The following SORCS1 variants were observed in gnomAD, a reference collection of about 807,000 sequenced individuals.
The protein encoded by SORCS1 is sortilin related VPS10 domain containing receptor 1.
Under a neutral mutation model 146.1 loss-of-function variants are expected in SORCS1, and 60 were observed. The observed-to-expected ratio is 0.41, with a 90% CI of 0.33 to 0.51. The LOEUF (loss-of-function observed/expected upper bound fraction) is 0.51. Ranked by LOEUF, SORCS1 falls within the 20% of genes least tolerant of loss-of-function variation. The pLI is 0.21. For synonymous variants in SORCS1, 637 were observed against 584.0 expected (o/e 1.09, Z -1.31); for missense variants, 1,352 against 1,487.6 (o/e 0.91, Z 1.50).
intron 1 of SORCS1, among the ~76,000 whole-genome samples, chr10:107,097,638 C>G (rs1350588112): frequency 6.6e-6 from 1 of 152,170 alleles, no homozygotes. Context: ...ATTCTTCTTA[C>G]CTGTGCCTGC....
chr10:106,823,326 T>C (rs1948148341), intron 3 of SORCS1, among the ~76,000 whole-genome samples: 1 of 152,202 alleles, frequency 6.6e-6, no homozygotes, highest in South Asian at 2.1e-4. Context: ...ATCATGTTCT[T>C]CTTGGTTAGA....
chr10:106,720,553 G>A (rs180930682), intron 6 of SORCS1, among the ~76,000 whole-genome samples: 37 of 127,002 alleles, frequency 2.9e-4, no homozygotes, highest in Non-Finnish European at 5.3e-4. Flanking sequence ...AGTAAATGCC[G>A]ATGCTACTTT....
intron 1 of SORCS1, among the ~76,000 whole-genome samples, chr10:107,084,479 T>G (rs1233458526): frequency 9.9e-5 from 15 of 152,036 alleles, no homozygotes; most frequent in Non-Finnish European, 4.4e-5. Context: ...AGCCACGGTA[T>G]GTATAAAGAC....
intron 1 of SORCS1, among the ~76,000 whole-genome samples, chr10:107,100,953 T>C (rs1964882716): frequency 6.6e-6 from 1 of 152,236 alleles, no homozygotes; most frequent in South Asian, 2.1e-4. Flanking sequence ...AGAGCAGTGA[T>C]GCAATCTTAT....
intron 1 of SORCS1, among the ~76,000 whole-genome samples, chr10:107,088,283 A>G (rs770018215): frequency 6.6e-6 from 1 of 152,156 alleles, no homozygotes; most frequent in Non-Finnish European, 1.5e-5. Context: ...AGTTAAATTC[A>G]CCATTTTATC....
At chr10:106,693,170 C>T (rs1478025908) in intron 9 of SORCS1, among the ~76,000 whole-genome samples, 1 of 152,196 alleles carries the variant, frequency 6.6e-6, no homozygotes, top group Non-Finnish European at 1.5e-5. Context: ...TGAAACCCTA[C>T]TGGTCCCAAG....
At chr10:106,881,245 C>T (rs1950796243) in intron 2 of SORCS1, among the ~76,000 whole-genome samples, 1 of 152,152 alleles carries the variant, frequency 6.6e-6, no homozygotes, top group African/African-American at 2.4e-5. Context: ...AAAGTCACTA[C>T]AGGAATTTTC....
At chr10:106,912,827 C>A (rs906309962) in intron 2 of SORCS1, among the ~76,000 whole-genome samples, 2 of 152,026 alleles carry the variant, frequency 1.3e-5, no homozygotes, top group African/African-American at 4.8e-5. Context: ...TACAGGCGCA[C>A]ACCACCATGC....
At chr10:106,926,857 A>C (rs1953057392) in intron 2 of SORCS1, among the ~76,000 whole-genome samples, 1 of 109,970 alleles carries the variant, frequency 9.1e-6, no homozygotes, top group Non-Finnish European at 1.7e-5. Flanking sequence ...ACACACACAC[A>C]CACACACACA....
chr10:106,845,080 C>T (rs939126334), intron 2 of SORCS1, among the ~76,000 whole-genome samples: 2 of 113,924 alleles, frequency 1.8e-5, no homozygotes, highest in African/African-American at 6.1e-5. Context: ...GATTTATAGT[C>T]CTTTGGGTAT....
At chr10:107,074,004 G>T (rs1201208442) in intron 1 of SORCS1, among the ~76,000 whole-genome samples, 1 of 152,014 alleles carries the variant, frequency 6.6e-6, no homozygotes, top group Non-Finnish European at 1.5e-5. Context: ...ACACCAGAAT[G>T]GTACATTCAT....
intron 6 of SORCS1, among the ~76,000 whole-genome samples, chr10:106,722,977 T>C (rs754901981): frequency 6.6e-6 from 1 of 152,160 alleles, no homozygotes; most frequent in Non-Finnish European, 1.5e-5. Flanking sequence ...TGGTTAAAGA[T>C]CCTTCTTTCA....
intron 1 of SORCS1, among the ~76,000 whole-genome samples, chr10:107,126,671 G>A (rs553534768): frequency 1.3e-5 from 2 of 152,216 alleles, no homozygotes; most frequent in South Asian, 4.1e-4. Context: ...AAACACTAAG[G>A]AGAGGGGACA....
intron 1 of SORCS1, among the ~76,000 whole-genome samples, chr10:107,034,820 T>C (rs1444806478): frequency 6.6e-6 from 1 of 151,962 alleles, no homozygotes; most frequent in Non-Finnish European, 1.5e-5. Flanking sequence ...CCCAGCCTTT[T>C]TCACCAGAAC....
At chr10:106,611,795 G>C (rs2133418570) in intron 22 of SORCS1, 116 bp downstream of exon 22, 1 of 743,932 alleles carries the variant, frequency 1.3e-6, no homozygotes, top group Non-Finnish European at 2.2e-6. Flanking sequence ...ATGGGCTCTA[G>C]CTTCTTCCTG....
intron 3 of SORCS1, among the ~76,000 whole-genome samples, chr10:106,801,605 T>A (rs1035279329): frequency 2.0e-5 from 3 of 148,450 alleles, no homozygotes; most frequent in East Asian, 2.0e-4. Flanking sequence ...CTCGGCTCAC[T>A]GCAAAGCTCC....
rs557974413 is a variant in SORCS1 at position 106,759,651 on chromosome 10, T to G, written c.959+1937A>C. 2.0e-5 allele frequency among the ~76,000 whole-genome samples: 3 copies of G among 152,252 alleles called. No homozygotes were observed. The South Asian group carries it at 6.2e-4, about 32-fold the overall frequency. On this transcript the variant is annotated intron_variant, in intron 5 of 25. Coordinates refer to ENST00000263054, the MANE Select transcript of SORCS1 (RefSeq NM_052918.5). ...TTTCAATTTTACCCACCCATTCCCATGGACACAGCCACCTCTAGTTTAATT... is the reference window on the plus strand; with the variant it reads ...TTTCAATTTTACCCACCCATTCCCAGGGACACAGCCACCTCTAGTTTAATT...
intron 1 of SORCS1, among the ~76,000 whole-genome samples, chr10:106,966,918 A>T (rs567744151): frequency 6.6e-6 from 1 of 152,294 alleles, no homozygotes; most frequent in South Asian, 2.1e-4. Flanking sequence ...AAAAATAAAA[A>T]ATAAGCTTAT....
chr10:106,959,290 G>C (rs190524330), intron 1 of SORCS1, among the ~76,000 whole-genome samples: 1 of 152,308 alleles, frequency 6.6e-6, no homozygotes, highest in East Asian at 1.9e-4. Flanking sequence ...ACATTTGAAA[G>C]CATATCTGCT....
Sources: gnomAD v4.1 joint callset for allele counts (sites outside exome capture counted in the v4.1 genomes callset) on GRCh38, gnomAD v4.1.1 for gene constraint, MANE v1.5 for transcripts, NCBI Gene and HGNC (gene_info 2026-07-23, HGNC 2026-07-21) for gene names.